The following IL17RD variants were observed in gnomAD, a reference collection of about 807,000 sequenced individuals.
IL17RD encodes interleukin-17 receptor D.
IL17RD carries 52 observed loss-of-function variants against 80.5 expected under a neutral mutation model. The observed-to-expected ratio is 0.65, with a 90% confidence interval of 0.52 to 0.81. IL17RD has a LOEUF of 0.81. Ranked by LOEUF, IL17RD falls within the 40% of genes least tolerant of loss-of-function variation. IL17RD has a pLI of 0.00. For synonymous variants in IL17RD, 416 were observed against 391.8 expected, an observed-to-expected ratio of 1.06 and a Z score of -0.73; for missense variants, 1,024 against 955.1, an observed-to-expected ratio of 1.07 and a Z score of -0.95.
chr3:57,119,111 G>C (rs750863816), intron 2 of IL17RD, among the ~76,000 whole-genome samples: 6 of 152,154 alleles, frequency 3.9e-5, no homozygotes, highest in Non-Finnish European at 5.9e-5. Context: ...CCAGCACTTT[G>C]GGAGGCCGAG....
rs1472399159 is a variant in IL17RD at position 57,094,936 on chromosome 3, G to A, written c.*1457C>T. 2 of 152,622 alleles carry A rather than the reference G, an allele frequency of 1.3e-5. No individual in the cohort carries two copies. Among genetic ancestry groups the A allele is most frequent in the Non-Finnish European group, 2.9e-5 (2 of 68,052 alleles). The allele number at this position is 152,622 out of a possible 1,614,324, so 9.5% of individuals were successfully genotyped here. ...TTACAGAGCAGTGAGTATGACATTT[G>A]CATCAGAAATATACACAAACCTTTT... is the stretch of plus-strand genomic sequence containing the variant. On this transcript the variant is annotated 3_prime_UTR_variant, in exon 13 of 13. Transcript: ENST00000296318.
chr3:57,169,119 C>T, upstream of IL17RD: 1 of 425,732 alleles, frequency 2.3e-6, no homozygotes, highest in Non-Finnish European at 4.7e-6. Context: ...GGACCAGGCC[C>T]CACATGCCTT....
intron 1 of IL17RD, among the ~76,000 whole-genome samples, chr3:57,128,231 C>T (rs1707535203): frequency 6.6e-6 from 1 of 152,178 alleles, no homozygotes; most frequent in Admixed American, 6.5e-5. Flanking sequence ...GCAATTACCA[C>T]ATTGGCCCAA....
At chr3:57,127,317 A>AT (rs1271194490) in intron 1 of IL17RD, among the ~76,000 whole-genome samples, 1 of 79,784 alleles carries the variant, frequency 1.3e-5, no homozygotes, top group East Asian at 5.4e-4. Context: ...AATATATAAA[A>AT]ATATATATAA....
Position 57,105,873 on chromosome 3 carries a change from C to T in IL17RD, c.731G>A (p.Arg244Gln), listed in dbSNP as rs758418100. 21 of 1,613,644 alleles carry T rather than the reference C, an allele frequency of 1.3e-5. No individual in the cohort carries two copies. The highest frequency in any genetic ancestry group is 6.7e-5 in the Admixed American group (4 of 59,982). ...YKLKHEGPFKRKTCKQEQTTE... is the reference protein window; with the variant it reads ...YKLKHEGPFKQKTCKQEQTTE... ...GCAGCTCACCTGCTTACAGGTCTTT[C>T]GCTTGAAAGGTCCTTCGTGCTTGAG... Residue 244 changes from arginine (R) to glutamine (Q), a missense_variant, in exon 7 of 13, where the codon CGA (arginine) becomes CAA (glutamine). Physicochemically the swap from Arg to Gln is conservative, Grantham distance 43. Coordinates refer to ENST00000296318, the MANE Select transcript of IL17RD (RefSeq NM_017563.5).
At chr3:57,149,644 CATTTCAGGTACTCA>C (rs1038982888) in intron 1 of IL17RD, among the ~76,000 whole-genome samples, 19 of 152,340 alleles carry the variant, frequency 1.2e-4, no homozygotes, top group African/African-American at 4.3e-4. Context: ...GTGCTAGCCA[CATTTCAGGTACTCA>C]GTAGCCAAAA....
intron 1 of IL17RD, among the ~76,000 whole-genome samples, chr3:57,158,755 A>C (rs1164260268): frequency 6.6e-6 from 1 of 152,188 alleles, no homozygotes; most frequent in Non-Finnish European, 1.5e-5. Context: ...GTACAAATGG[A>C]GTTTTTGTTA....
At chr3:57,150,607 C>T (rs941205192) in intron 1 of IL17RD, 1 of 152,258 alleles carries the variant, frequency 6.6e-6, no homozygotes, top group African/African-American at 2.4e-5. Context: ...GAAAGGTACA[C>T]TGTCCCGGAT....
chr3:57,159,488 G>A (rs1439425980), intron 1 of IL17RD, among the ~76,000 whole-genome samples: 2 of 152,212 alleles, frequency 1.3e-5, no homozygotes, highest in African/African-American at 4.8e-5. Flanking sequence ...AGGAGACAAT[G>A]TGTTTCGGAG....
At chr3:57,113,449 C>CTAGT (rs1707142167) in intron 3 of IL17RD, among the ~76,000 whole-genome samples, 1 of 152,106 alleles carries the variant, frequency 6.6e-6, no homozygotes, top group Non-Finnish European at 1.5e-5. Context: ...GTTGGTCAGG[C>CTAGT]TAGTCTCAAA....
At chr3:57,134,531 C>A in intron 1 of IL17RD, 2 of 1,362,922 alleles carry the variant, frequency 1.5e-6, no homozygotes, top group South Asian at 1.2e-5. Flanking sequence ...GGAATGTGTT[C>A]AAAAACAAGT....
At chr3:57,154,141 C>A (rs1217550759) in intron 1 of IL17RD, among the ~76,000 whole-genome samples, 1 of 151,614 alleles carries the variant, frequency 6.6e-6, no homozygotes, top group East Asian at 1.9e-4. Flanking sequence ...CCCAGCTACT[C>A]AGGAGACTGG....
chr3:57,122,738 G>GCCT (rs1423791988), intron 1 of IL17RD, among the ~76,000 whole-genome samples: 12 of 35,860 alleles, frequency 3.3e-4, no homozygotes, highest in Admixed American at 3.0e-3. Flanking sequence ...CTCCTCAACT[G>GCCT]TCTTTTTTTT....
upstream of IL17RD, among the ~76,000 whole-genome samples, chr3:57,169,656 A>T (rs1020135573): frequency 1.3e-5 from 2 of 152,178 alleles, no homozygotes; most frequent in Non-Finnish European, 2.9e-5. Context: ...CCCAAATTCT[A>T]ATTTATTTTG....
chr3:57,108,105 G>A (rs2107479546), intron 5 of IL17RD, among the ~76,000 whole-genome samples: 1 of 151,506 alleles, frequency 6.6e-6, no homozygotes, highest in South Asian at 2.1e-4. Context: ...TGTGGCCCAG[G>A]CTGGAGTGCA....
chr3:57,161,055 A>G (rs1454996456), intron 1 of IL17RD, among the ~76,000 whole-genome samples: 1 of 152,142 alleles, frequency 6.6e-6, no homozygotes, highest in Non-Finnish European at 1.5e-5. Context: ...GAGAGAAGGG[A>G]GGGCTGCTCA....
At chr3:57,132,468 C>T (rs974734431) in intron 1 of IL17RD, among the ~76,000 whole-genome samples, 3 of 151,998 alleles carry the variant, frequency 2.0e-5, no homozygotes, top group Admixed American at 6.6e-5. Context: ...TCAAAAACAA[C>T]AACAACAACA....
chr3:57,122,864 A>G (rs995141396), intron 1 of IL17RD, among the ~76,000 whole-genome samples: 1 of 151,614 alleles, frequency 6.6e-6, no homozygotes, highest in Non-Finnish European at 1.5e-5. Context: ...TCCATCTAAC[A>G]ATATGCTCCC....
At chr3:57,111,944 AGAGT>A (rs1707108212) in intron 3 of IL17RD, among the ~76,000 whole-genome samples, 2 of 151,376 alleles carry the variant, frequency 1.3e-5, no homozygotes, top group South Asian at 2.1e-4. Context: ...CCTGGGCGAC[AGAGT>A]GAGACTCTGT....
Sources: gnomAD v4.1 joint callset for allele counts (sites outside exome capture counted in the v4.1 genomes callset) on GRCh38, gnomAD v4.1.1 for gene constraint, MANE v1.5 for transcripts, NCBI Gene and HGNC (gene_info 2026-07-23, HGNC 2026-07-21) for gene names.